The following PAN3 variants were observed in gnomAD, a reference collection of about 807,000 sequenced individuals.
PAN3 encodes PAN2-PAN3 deadenylation complex subunit PAN3.
Under a neutral mutation model 96.2 loss-of-function variants are expected in PAN3, and 19 were observed. The ratio of observed to expected loss-of-function variants is 0.20; its 90% CI spans 0.14 to 0.29. The LOEUF (loss-of-function observed/expected upper bound fraction) is 0.29, where lower values mean the gene tolerates loss of function less well. Among genes scored for constraint, PAN3 ranks in the 10% least tolerant of loss-of-function variants. The probability of loss-of-function intolerance (pLI) is 1.00; values close to 1 mark genes in which losing one functional copy is unlikely to be tolerated. For missense variants in PAN3, 882 were observed against 1,108.1 expected, an observed-to-expected ratio of 0.80 and a Z score of 2.90; for synonymous variants, 433 against 406.6, an observed-to-expected ratio of 1.06 and a Z score of -0.78.
At chr13:28,199,012 C>G (rs915110659) in intron 5 of PAN3, among the ~76,000 whole-genome samples, 3 of 152,088 alleles carry the variant, frequency 2.0e-5, no homozygotes, top group Non-Finnish European at 4.4e-5. Flanking sequence ...TTTCATATAA[C>G]CATATGCTTC....
Position 28,257,824 on chromosome 13 carries a change from A to G in PAN3, c.1248+1285A>G, listed in dbSNP as rs540928914. On this transcript the variant is annotated intron_variant, in intron 7 of 18. Coordinates refer to ENST00000380958, the MANE Select transcript of PAN3 (RefSeq NM_175854.8). ...TATATAAAATTATATAAATATATATATTTTTTGAGATGGATGTTCGCTATT... is the reference window on the plus strand; with the variant it reads ...TATATAAAATTATATAAATATATATGTTTTTTGAGATGGATGTTCGCTATT... Among the ~76,000 whole-genome samples, 1,091 of 143,766 alleles carry G rather than the reference A, an allele frequency of 7.6e-3. 14 individuals carry two copies. Among genetic ancestry groups the G allele is most frequent in the African/African-American group, 0.025 (968 of 38,906 alleles). 94.3% of individuals were successfully genotyped at this position (143,766 alleles called of 152,430 possible).
chr13:28,202,526 T>C (rs1393518958), intron 5 of PAN3, among the ~76,000 whole-genome samples: 1 of 152,210 alleles, frequency 6.6e-6, no homozygotes, highest in Non-Finnish European at 1.5e-5. Context: ...TAAAATACAT[T>C]GTCAGTTCTC....
chr13:28,246,657 A>T (rs1884225815), intron 6 of PAN3, among the ~76,000 whole-genome samples: 1 of 152,152 alleles, frequency 6.6e-6, no homozygotes, highest in South Asian at 2.1e-4. Context: ...GCTTCTGCAT[A>T]TGAGTGAGAA....
chr13:28,171,369 G>C (rs1180578523), intron 1 of PAN3, among the ~76,000 whole-genome samples: 1 of 152,124 alleles, frequency 6.6e-6, no homozygotes, highest in African/African-American at 2.4e-5. Flanking sequence ...TACCACATGG[G>C]TGTCCTACAA....
intron 6 of PAN3, among the ~76,000 whole-genome samples, chr13:28,250,273 T>C (rs1179245206): frequency 6.6e-6 from 1 of 152,102 alleles, no homozygotes; most frequent in East Asian, 1.9e-4. Context: ...TAGCTCGCTT[T>C]ACCATTTTCC....
intron 6 of PAN3, among the ~76,000 whole-genome samples, chr13:28,236,934 G>T (rs1043084137): frequency 1.3e-5 from 2 of 152,118 alleles, no homozygotes; most frequent in Non-Finnish European, 2.9e-5. Flanking sequence ...GTGCATATTG[G>T]TTAAATATCA....
chr13:28,266,206 T>C (rs1886160476), intron 9 of PAN3, among the ~76,000 whole-genome samples: 1 of 152,240 alleles, frequency 6.6e-6, no homozygotes, highest in Non-Finnish European at 1.5e-5. Context: ...CTAGTTGGTT[T>C]ACTATGGCTG....
intron 2 of PAN3, 86 bp downstream of exon 2, chr13:28,174,479 G>A (rs1369393061): frequency 7.0e-7 from 1 of 1,428,596 alleles, no homozygotes; most frequent in Admixed American, 2.1e-5. Flanking sequence ...TCCTACATTT[G>A]TTGAGTGGGA....
intron 1 of PAN3, among the ~76,000 whole-genome samples, chr13:28,158,460 AC>A (rs1214073320): frequency 6.6e-6 from 1 of 152,248 alleles, no homozygotes; most frequent in East Asian, 1.9e-4. Flanking sequence ...AAGGTCTGAT[AC>A]CCAGAATCTA....
At chr13:28,223,388 AAGTT>A (rs375571410) in intron 6 of PAN3, among the ~76,000 whole-genome samples, 23 of 152,152 alleles carry the variant, frequency 1.5e-4, no homozygotes, top group African/African-American at 5.3e-4. Flanking sequence ...ATCTTTTGTG[AAGTT>A]AGTTGTTTTA....
chr13:28,150,174 A>G (rs9579165), intron 1 of PAN3, among the ~76,000 whole-genome samples: 14,343 of 152,206 alleles, frequency 0.094, 846 homozygotes, highest in African/African-American at 0.17. Context: ...TTTATGGTTC[A>G]TAGATGCTGT....
intron 9 of PAN3, among the ~76,000 whole-genome samples, chr13:28,264,524 CA>C (rs534940747): frequency 2.0e-5 from 3 of 146,438 alleles, no homozygotes; most frequent in Non-Finnish European, 4.5e-5. Flanking sequence ...ACTCTGTCTC[CA>C]AAAAAAAAGA....
intron 6 of PAN3, among the ~76,000 whole-genome samples, chr13:28,241,000 C>T (rs1769408535): frequency 1.3e-5 from 2 of 152,202 alleles, no homozygotes; most frequent in African/African-American, 4.8e-5. Context: ...TGGCCCATGC[C>T]TGTTATCCCA....
At chr13:28,201,808 C>A (rs1214918400) in intron 5 of PAN3, among the ~76,000 whole-genome samples, 2 of 152,120 alleles carry the variant, frequency 1.3e-5, no homozygotes, top group Non-Finnish European at 2.9e-5. Context: ...TGAAATGTTA[C>A]TTTTAGAATT....
At chr13:28,202,331 G>T (rs919218833) in intron 5 of PAN3, among the ~76,000 whole-genome samples, 2 of 152,174 alleles carry the variant, frequency 1.3e-5, no homozygotes, top group East Asian at 3.9e-4. Flanking sequence ...AAAGTCTACA[G>T]TATCTTACCC....
intron 1 of PAN3, among the ~76,000 whole-genome samples, chr13:28,143,034 G>A (rs528046609): frequency 6.6e-6 from 1 of 152,258 alleles, no homozygotes; most frequent in East Asian, 1.9e-4. Context: ...AAGCACAAAG[G>A]CTTTTTCTTA....
chr13:28,174,627 T>C (rs528712204), intron 2 of PAN3, among the ~76,000 whole-genome samples: 1 of 152,268 alleles, frequency 6.6e-6, no homozygotes, highest in Admixed American at 6.5e-5. Context: ...TAGAGGGTAG[T>C]TAGAGACTAA....
intron 4 of PAN3, among the ~76,000 whole-genome samples, chr13:28,181,723 A>G (rs1054113774): frequency 9.2e-5 from 14 of 152,296 alleles, no homozygotes; most frequent in African/African-American, 2.9e-4. Context: ...CTGAAAATAA[A>G]TGTCTAGAGA....
chr13:28,274,393 A>G (rs1316050189), intron 14 of PAN3, among the ~76,000 whole-genome samples: 6 of 152,104 alleles, frequency 3.9e-5, no homozygotes, highest in Non-Finnish European at 7.4e-5. Flanking sequence ...ACTTGGATAT[A>G]CATCCAAGCA....
Sources: allele counts gnomAD v4.1 joint callset (sites outside exome capture counted in the v4.1 genomes callset), GRCh38; gene constraint gnomAD v4.1.1; transcripts MANE v1.5; gene names NCBI Gene and HGNC (gene_info 2026-07-23, HGNC 2026-07-21).